The following KCND2 variants were observed in gnomAD, a reference collection of about 807,000 sequenced individuals.
KCND2 encodes A-type voltage-gated potassium channel KCND2.
A neutral mutation model predicts 54.4 loss-of-function variants in KCND2; 16 were observed. The ratio of observed to expected loss-of-function variants is 0.29; its 90% confidence interval spans 0.20 to 0.45. KCND2 has a LOEUF of 0.45. KCND2 is among the 20% of genes least tolerant of loss of function. The pLI is 1.00. For missense variants in KCND2, 486 were observed against 824.2 expected, an observed-to-expected ratio of 0.59 and a Z score of 5.02; for synonymous variants, 317 against 310.7, an observed-to-expected ratio of 1.02 and a Z score of -0.21.
At chr7:120,609,525 C>T (rs571239277) in intron 1 of KCND2, among the ~76,000 whole-genome samples, 63 of 152,192 alleles carry the variant, frequency 4.1e-4, no homozygotes, top group African/African-American at 1.4e-3. Context: ...ACTATTCTCC[C>T]GTAATTGCTA....
chr7:120,530,783 A>G (rs1186039699), intron 1 of KCND2, among the ~76,000 whole-genome samples: 1 of 152,132 alleles, frequency 6.6e-6, no homozygotes. Flanking sequence ...AATATCAACC[A>G]TTATTCAATC....
chr7:120,394,129 C>T (rs920483198), intron 1 of KCND2, among the ~76,000 whole-genome samples: 2 of 151,958 alleles, frequency 1.3e-5, no homozygotes, highest in Non-Finnish European at 2.9e-5. Context: ...ACTGAGACCG[C>T]ATCATTGAAG....
At chr7:120,682,460 A>G (rs1792151378) in intron 1 of KCND2, among the ~76,000 whole-genome samples, 1 of 152,112 alleles carries the variant, frequency 6.6e-6, no homozygotes, top group Non-Finnish European at 1.5e-5. Context: ...AGATTCCTTA[A>G]CTGTGCTATT....
At chr7:120,300,718 A>G (rs1266459353) in intron 1 of KCND2, among the ~76,000 whole-genome samples, 1 of 152,090 alleles carries the variant, frequency 6.6e-6, no homozygotes, top group African/African-American at 2.4e-5. Flanking sequence ...GACACTTAAC[A>G]TCTCTTCTCT....
chr7:120,392,414 T>C, intron 1 of KCND2, among the ~76,000 whole-genome samples: 1 of 151,688 alleles, frequency 6.6e-6, no homozygotes, highest in Non-Finnish European at 1.5e-5. Flanking sequence ...TTTGATTCCA[T>C]ATAAAATTTA....
chr7:120,641,078 C>T (rs76927279), intron 1 of KCND2, among the ~76,000 whole-genome samples: 1,615 of 152,298 alleles, frequency 0.011, 9 homozygotes, highest in Non-Finnish European at 0.015. Context: ...AGCTGAGGAA[C>T]GCTATTTCTA....
chr7:120,516,920 A>G (rs894194081), intron 1 of KCND2, among the ~76,000 whole-genome samples: 1 of 152,150 alleles, frequency 6.6e-6, no homozygotes, highest in Non-Finnish European at 1.5e-5. Flanking sequence ...GTGTAAAACT[A>G]CATAAAATGG....
At chr7:120,620,452 A>C (rs79236038) in intron 1 of KCND2, among the ~76,000 whole-genome samples, 3,584 of 152,256 alleles carry the variant, frequency 0.024, 109 homozygotes, top group African/African-American at 0.074. Flanking sequence ...AAAATAAATA[A>C]ATATGGTAAA....
chr7:120,502,675 C>T (rs1026950253), intron 1 of KCND2, among the ~76,000 whole-genome samples: 4 of 152,022 alleles, frequency 2.6e-5, no homozygotes, highest in African/African-American at 9.7e-5. Context: ...AATTGCCACA[C>T]GTCGGCTACT....
intron 1 of KCND2, among the ~76,000 whole-genome samples, chr7:120,572,171 T>C (rs1309573469): frequency 3.3e-5 from 5 of 151,890 alleles, no homozygotes; most frequent in Admixed American, 3.3e-4. Flanking sequence ...ATCCTAACTA[T>C]GAATGCTTTT....
chr7:120,487,596 G>A (rs1364130311), intron 1 of KCND2, among the ~76,000 whole-genome samples: 1 of 152,090 alleles, frequency 6.6e-6, no homozygotes, highest in Non-Finnish European at 1.5e-5. Flanking sequence ...GTTTTGTCTT[G>A]TTCTTCTCCC....
At chr7:120,343,246 G>T (rs578054528) in intron 1 of KCND2, among the ~76,000 whole-genome samples, 5 of 152,222 alleles carry the variant, frequency 3.3e-5, no homozygotes, top group Non-Finnish European at 4.4e-5. Flanking sequence ...GTGTGCCAAG[G>T]AGAAGAATGC....
chr7:120,609,827 T>TG (rs1584852807), intron 1 of KCND2, among the ~76,000 whole-genome samples: 1 of 152,140 alleles, frequency 6.6e-6, no homozygotes, highest in Non-Finnish European at 1.5e-5. Flanking sequence ...CAACCAAGTG[T>TG]GGGGCTCTTC....
At chr7:120,434,597 G>A (rs1334150632) in intron 1 of KCND2, among the ~76,000 whole-genome samples, 7 of 152,140 alleles carry the variant, frequency 4.6e-5, no homozygotes, top group African/African-American at 1.2e-4. Flanking sequence ...TGTGAAGCTC[G>A]CATGAATTAA....
chr7:120,595,527 ATG>A (rs1792731334), intron 1 of KCND2, among the ~76,000 whole-genome samples: 1 of 143,946 alleles, frequency 6.9e-6, no homozygotes, highest in Non-Finnish European at 1.5e-5. Context: ...ATGTATATAT[ATG>A]TGTATATATA....
At chr7:120,362,549 A>AT (rs1800606592) in intron 1 of KCND2, among the ~76,000 whole-genome samples, 1 of 152,202 alleles carries the variant, frequency 6.6e-6, no homozygotes, top group African/African-American at 2.4e-5. Flanking sequence ...CAGTGTATGA[A>AT]TTATAGCAAA....
intron 1 of KCND2, among the ~76,000 whole-genome samples, chr7:120,332,731 C>A (rs1800085838): frequency 6.6e-6 from 1 of 152,002 alleles, no homozygotes; most frequent in African/African-American, 2.4e-5. Flanking sequence ...TATAAAAGCT[C>A]ATTGTTACTT....
chr7:120,566,011 A>G lies in KCND2; in HGVS notation c.1116-166892A>G, dbSNP rs188119279. ...TGAGTTCTCCCAGACCACAACGCCT[A>G]TCTTCAGGGATAGCTGATGGTTATC... On this transcript the variant is annotated intron_variant, in intron 1 of 5. Coordinates refer to ENST00000331113, the MANE Select transcript of KCND2 (RefSeq NM_012281.3). Among the ~76,000 whole-genome samples, 661 of 152,280 alleles carry G rather than the reference A, an allele frequency of 4.3e-3. 2 individuals are homozygous for G. The highest frequency in any genetic ancestry group is 7.2e-3 in the Non-Finnish European group (493 of 68,022).
chr7:120,565,911 A>G (rs1349408185), intron 1 of KCND2, among the ~76,000 whole-genome samples: 3 of 152,186 alleles, frequency 2.0e-5, no homozygotes, highest in Admixed American at 1.3e-4. Flanking sequence ...TAACACAAGG[A>G]TTACATAATT....
Sources: gnomAD v4.1 joint callset for allele counts (sites outside exome capture counted in the v4.1 genomes callset) on GRCh38, gnomAD v4.1.1 for gene constraint, MANE v1.5 for transcripts, NCBI Gene and HGNC (gene_info 2026-07-23, HGNC 2026-07-21) for gene names.